Variants in KRAS observed in about 807,000 individuals in gnomAD.
KRAS encodes KRas proto-oncogene, GTPase, also known as GTPase KRas.
A neutral mutation model predicts 21.0 loss-of-function variants in KRAS; 1 was observed. The ratio of observed to expected loss-of-function variants is 0.05; its 90% CI spans 0.02 to 0.23. The LOEUF is 0.23. Ranked by LOEUF, KRAS falls within the 10% of genes least tolerant of loss-of-function variation. The pLI is 1.00. For missense variants in KRAS, 107 were observed against 221.8 expected, an observed-to-expected ratio of 0.48 and a Z score of 3.29; for synonymous variants, 67 against 72.5, an observed-to-expected ratio of 0.92 and a Z score of 0.39.
chr12:25,240,505 G>A (rs1717216464), intron 2 of KRAS, among the ~76,000 whole-genome samples: 1 of 152,166 alleles, frequency 6.6e-6, no homozygotes, highest in African/African-American at 2.4e-5. Flanking sequence ...CATTGTAATA[G>A]GTATTACAAG....
In KRAS at chr12:25,205,435, T is replaced by TGCG. The variant is rs1565876611; in HGVS notation, c.*4359_*4360insCGC. 1.9e-5 allele frequency: 4 copies of TGCG among 214,802 alleles called. No homozygotes were observed. The East Asian group carries it at 2.8e-4, about 15-fold the overall frequency. 13.3% of individuals were successfully genotyped at this position (214,802 alleles called of 1,614,324 possible). On this transcript the variant is annotated 3_prime_UTR_variant, in exon 5 of 5. Coordinates refer to ENST00000311936, the MANE Select transcript of KRAS (RefSeq NM_004985.5). ...TTCCTAGGTCAGCGCAACCAAATGA[T>TGCG]GGAAAACAACTGGATCACACTGCAT... is the stretch of plus-strand genomic sequence containing the variant.
chr12:25,209,409 T>C lies in KRAS; in HGVS notation c.*386A>G, dbSNP rs1194291316. On this transcript the variant is annotated 3_prime_UTR_variant, in exon 5 of 5. Transcript: ENST00000311936. The stretch of plus-strand genomic sequence containing the variant: ...GGTCTCAACTGAAATTAGTAATTAA[T>C]CCATTTATGTGACTAGATAAAACAC... 1 of 861,400 alleles carries C rather than the reference T, an allele frequency of 1.2e-6. No homozygotes were observed. The highest frequency in any genetic ancestry group is 1.6e-6 in the Non-Finnish European group (1 of 616,392). The allele number at this position is 861,400 out of a possible 1,614,324, so 53.4% of individuals were successfully genotyped here.
At chr12:25,241,204 T>C (rs898694356) in intron 2 of KRAS, among the ~76,000 whole-genome samples, 1 of 152,204 alleles carries the variant, frequency 6.6e-6, no homozygotes, top group Non-Finnish European at 1.5e-5. Context: ...ACAGTAATCT[T>C]TATATTAATA....
chr12:25,238,711 T>G (rs1951573102), intron 2 of KRAS, among the ~76,000 whole-genome samples: 2 of 152,258 alleles, frequency 1.3e-5, no homozygotes, highest in African/African-American at 4.8e-5. Context: ...ATGGACATTT[T>G]TGAACATCAG....
At chr12:25,224,488 G>C (rs774755481) in intron 4 of KRAS, among the ~76,000 whole-genome samples, 2 of 151,976 alleles carry the variant, frequency 1.3e-5, no homozygotes, top group Non-Finnish European at 2.9e-5. Flanking sequence ...AAGATATAAG[G>C]AAAGAAAAAT....
intron 2 of KRAS, among the ~76,000 whole-genome samples, chr12:25,239,725 C>T (rs541844677): frequency 3.3e-5 from 5 of 152,200 alleles, no homozygotes; most frequent in South Asian, 4.1e-4. Flanking sequence ...ACTGCTGAGG[C>T]GGGCAGATCA....
intron 4 of KRAS, among the ~76,000 whole-genome samples, chr12:25,221,878 C>T (rs4606562): frequency 1.3e-5 from 2 of 151,950 alleles, no homozygotes; most frequent in African/African-American, 2.4e-5. Flanking sequence ...GGGCCAGGCG[C>T]GGTGGCTCAT....
At chr12:25,217,979 G>GA in intron 4 of KRAS, among the ~76,000 whole-genome samples, 1 of 152,036 alleles carries the variant, frequency 6.6e-6, no homozygotes, top group Admixed American at 6.5e-5. Flanking sequence ...CCTTTGTCTT[G>GA]AAAAAATTAT....
At chr12:25,232,550 G>A (rs1019903362) in intron 2 of KRAS, among the ~76,000 whole-genome samples, 1 of 152,144 alleles carries the variant, frequency 6.6e-6, no homozygotes, top group South Asian at 2.1e-4. Flanking sequence ...ATGGAGCAAA[G>A]ACAAGGATGA....
Position 25,250,837 on chromosome 12 carries a change from G to T in KRAS, c.-98C>A. The T allele has an allele frequency of 4.4e-6, 1 of 228,378 alleles. No homozygotes were observed. The highest frequency in any genetic ancestry group is 8.6e-6 in the Non-Finnish European group (1 of 116,560). The allele number at this position is 228,378 out of a possible 1,614,324, so 14.1% of individuals were successfully genotyped here. A position where few individuals can be genotyped will look rare whatever the true frequency, so the allele number is the denominator to read the frequency against. On this transcript the variant is annotated 5_prime_UTR_variant, in exon 1 of 5. Coordinates refer to ENST00000311936, the MANE Select transcript of KRAS (RefSeq NM_004985.5). ...CCGCGCTCGCTCCCAGTCCGAAATGGCGGGGGCCGGGAGTACTGGCCGAGC... is the reference window on the plus strand; with the variant it reads ...CCGCGCTCGCTCCCAGTCCGAAATGTCGGGGGCCGGGAGTACTGGCCGAGC...
At position 25,207,223 on chromosome 12, in the gene KRAS, G is replaced by A; in HGVS notation, c.*2572C>T. 4.8e-6 allele frequency: 1 copy of A among 207,686 alleles called. No homozygotes were observed. Among genetic ancestry groups the A allele is most frequent in the Non-Finnish European group, 9.8e-6 (1 of 101,960 alleles). 12.9% of individuals were successfully genotyped at this position (207,686 alleles called of 1,614,324 possible). A position where few individuals can be genotyped will look rare whatever the true frequency, so the allele number is the denominator to read the frequency against. ...CTTGTGTGGTGACTGGCATCTGGTA[G>A]GCACTCAATAAATATTTGCTGAATA... On this transcript the variant is annotated 3_prime_UTR_variant, in exon 5 of 5. Coordinates refer to ENST00000311936, the MANE Select transcript of KRAS (RefSeq NM_004985.5).
chr12:25,230,140 T>C (rs1347896009), intron 2 of KRAS, among the ~76,000 whole-genome samples: 1 of 152,160 alleles, frequency 6.6e-6, no homozygotes, highest in East Asian at 1.9e-4. Context: ...AGAGAAAGAA[T>C]GGTCATTACA....
intron 4 of KRAS, among the ~76,000 whole-genome samples, chr12:25,216,889 A>G (rs919593418): frequency 2.0e-5 from 3 of 152,214 alleles, no homozygotes; most frequent in Admixed American, 2.0e-4. Flanking sequence ...GTGCAAATTA[A>G]AAGATGTAAT....
chr12:25,236,859 G>C (rs1951550782), intron 2 of KRAS, among the ~76,000 whole-genome samples: 1 of 152,118 alleles, frequency 6.6e-6, no homozygotes, highest in Non-Finnish European at 1.5e-5. Flanking sequence ...GTCAAAGACA[G>C]AGCTACCATA....
intron 2 of KRAS, among the ~76,000 whole-genome samples, chr12:25,245,039 C>T (rs901073926): frequency 1.3e-5 from 2 of 152,170 alleles, no homozygotes; most frequent in African/African-American, 2.4e-5. Flanking sequence ...CTGAAATACA[C>T]TTCCAATCAA....
intron 1 of KRAS, among the ~76,000 whole-genome samples, chr12:25,248,783 T>G (rs1309337737): frequency 6.6e-6 from 1 of 152,060 alleles, no homozygotes. Flanking sequence ...CCAACAATTT[T>G]GTAATGGAAG....
intron 2 of KRAS, among the ~76,000 whole-genome samples, chr12:25,241,349 T>A (rs1951607724): frequency 6.6e-6 from 1 of 152,170 alleles, no homozygotes; most frequent in Non-Finnish European, 1.5e-5. Flanking sequence ...TTACTTGTTA[T>A]AAAGCAAATA....
At chr12:25,248,671 A>G (rs964867371) in intron 1 of KRAS, among the ~76,000 whole-genome samples, 3 of 151,988 alleles carry the variant, frequency 2.0e-5, no homozygotes, top group African/African-American at 7.3e-5. Context: ...CACTAGAGAG[A>G]ACTGGGTTCC....
chr12:25,229,484 AAG>A (rs765340410), intron 2 of KRAS, among the ~76,000 whole-genome samples: 4 of 152,196 alleles, frequency 2.6e-5, no homozygotes, highest in African/African-American at 9.7e-5. Context: ...CTTTTCTAAA[AAG>A]AGAGAGAACT....
Sources: gnomAD v4.1 joint callset for allele counts (sites outside exome capture counted in the v4.1 genomes callset) on GRCh38, gnomAD v4.1.1 for gene constraint, MANE v1.5 for transcripts, NCBI Gene and HGNC (gene_info 2026-07-23, HGNC 2026-07-21) for gene names.